Variants in GPC5 observed in about 807,000 individuals in gnomAD.
The protein encoded by GPC5 is glypican 5.
In GPC5, 47 loss-of-function variants were observed where a neutral mutation model predicts 53.9. The ratio of observed to expected loss-of-function variants is 0.87; its 90% CI spans 0.69 to 1.11. The LOEUF is 1.11. Among genes scored for constraint, GPC5 ranks in the 50% most tolerant of loss-of-function variants. GPC5 has a pLI of 0.00. For synonymous variants in GPC5, 286 were observed against 263.3 expected, an observed-to-expected ratio of 1.09 and a Z score of -0.84; for missense variants, 748 against 713.1, an observed-to-expected ratio of 1.05 and a Z score of -0.56.
intron 6 of GPC5, among the ~76,000 whole-genome samples, chr13:92,113,496 A>T (rs962928532): frequency 3.9e-5 from 6 of 152,168 alleles, no homozygotes; most frequent in African/African-American, 1.4e-4. Flanking sequence ...AGTCTGACTT[A>T]TCCTCCATAT....
At chr13:92,581,192 A>T (rs1351740366) in intron 7 of GPC5, among the ~76,000 whole-genome samples, 3 of 152,002 alleles carry the variant, frequency 2.0e-5, no homozygotes, top group Non-Finnish European at 4.4e-5. Context: ...GTCTAACTGA[A>T]ATTTTCTGTC....
In GPC5 at chr13:91,419,494, T is replaced by G. The variant is rs190176004; in HGVS notation, c.163+20285T>G. Among the ~76,000 whole-genome samples, 5 of 152,300 alleles carry G rather than the reference T, an allele frequency of 3.3e-5. No homozygotes were observed. In the East Asian group the frequency reaches 9.7e-4, roughly 29 times the overall value. ...ACAAAGAATAATCCAGTCAACAACG[T>G]GATTCACAGCCATTATTAGAAAGAG... On this transcript the variant is annotated intron_variant, in intron 1 of 7. Coordinates refer to ENST00000377067, the MANE Select transcript of GPC5 (RefSeq NM_004466.6).
chr13:92,194,629 A>C (rs1388960356), intron 7 of GPC5, among the ~76,000 whole-genome samples: 2 of 152,238 alleles, frequency 1.3e-5, no homozygotes, highest in Non-Finnish European at 2.9e-5. Flanking sequence ...GTGTTCTGTG[A>C]ATTTGGAAAT....
intron 2 of GPC5, among the ~76,000 whole-genome samples, chr13:91,579,827 A>G (rs1015084713): frequency 5.3e-5 from 8 of 151,512 alleles, no homozygotes; most frequent in African/African-American, 1.7e-4. Flanking sequence ...GGGTTTCACC[A>G]TGTTGGCCTG....
intron 4 of GPC5, among the ~76,000 whole-genome samples, chr13:91,736,357 A>T (rs342712): frequency 0.73 from 110,039 of 151,040 alleles, 40,682 homozygotes; most frequent in Middle Eastern, 0.82. Flanking sequence ...TTTAAAATCA[A>T]GTTCTTCTAA....
intron 7 of GPC5, among the ~76,000 whole-genome samples, chr13:92,754,330 C>T (rs954114422): frequency 2.6e-5 from 4 of 152,086 alleles, no homozygotes; most frequent in African/African-American, 7.2e-5. Flanking sequence ...CTGAAGGAAG[C>T]GCTAAACATG....
intron 7 of GPC5, among the ~76,000 whole-genome samples, chr13:92,438,377 AAAAT>A (rs35251298): frequency 9.7e-3 from 420 of 43,412 alleles, no homozygotes; most frequent in African/African-American, 0.028. Context: ...CGTTTAAAGC[AAAAT>A]AAATATATAT....
chr13:92,593,406 A>G (rs915995115), intron 7 of GPC5, among the ~76,000 whole-genome samples: 2 of 151,024 alleles, frequency 1.3e-5, no homozygotes, highest in African/African-American at 4.9e-5. Context: ...TGGAGGTTGA[A>G]GTGTGGGGTA....
chr13:91,564,266 A>G (rs987176221), intron 2 of GPC5, among the ~76,000 whole-genome samples: 3 of 152,198 alleles, frequency 2.0e-5, no homozygotes, highest in Non-Finnish European at 4.4e-5. Context: ...ATACAATGCC[A>G]AATATGATCT....
chr13:92,425,548 G>A (rs1876794141), intron 7 of GPC5, among the ~76,000 whole-genome samples: 1 of 152,076 alleles, frequency 6.6e-6, no homozygotes, highest in African/African-American at 2.4e-5. Flanking sequence ...CAACTAAGGA[G>A]TGGCTGTCCA....
intron 7 of GPC5, among the ~76,000 whole-genome samples, chr13:92,397,274 G>T (rs920530566): frequency 6.6e-6 from 1 of 152,128 alleles, no homozygotes; most frequent in African/African-American, 2.4e-5. Context: ...TGGGGGCTGG[G>T]GGGGGTTCCC....
intron 6 of GPC5, among the ~76,000 whole-genome samples, chr13:92,130,367 G>A (rs1383514101): frequency 6.6e-6 from 1 of 151,144 alleles, no homozygotes; most frequent in Non-Finnish European, 1.5e-5. Context: ...TAAAATATTG[G>A]CACAAGAAGT....
At chr13:92,160,953 C>G (rs1593945526) in intron 7 of GPC5, among the ~76,000 whole-genome samples, 1 of 152,054 alleles carries the variant, frequency 6.6e-6, no homozygotes, top group East Asian at 1.9e-4. Flanking sequence ...TCCTGCATAC[C>G]AACTAGTTTT....
chr13:92,636,689 C>T (rs1885414516), intron 7 of GPC5, among the ~76,000 whole-genome samples: 1 of 152,084 alleles, frequency 6.6e-6, no homozygotes, highest in African/African-American at 2.4e-5. Context: ...TCCTGTATTC[C>T]ACACGAATGG....
chr13:92,145,746 G>C (rs967950659), intron 7 of GPC5, among the ~76,000 whole-genome samples: 1 of 152,082 alleles, frequency 6.6e-6, no homozygotes, highest in African/African-American at 2.4e-5. Flanking sequence ...AGAATAGCTG[G>C]TTTCAACTAT....
At chr13:92,095,531 CTGTTTTTGTTTT>C (rs1192261121) in intron 6 of GPC5, among the ~76,000 whole-genome samples, 2 of 151,190 alleles carry the variant, frequency 1.3e-5, no homozygotes, top group Non-Finnish European at 3.0e-5. Context: ...TATTTTGTTT[CTGTTTTTGTTTT>C]TGTTTTTTTG....
At chr13:91,790,184 G>A (rs952327889) in intron 5 of GPC5, among the ~76,000 whole-genome samples, 5 of 152,178 alleles carry the variant, frequency 3.3e-5, no homozygotes, top group African/African-American at 7.2e-5. Context: ...TATAACAGGT[G>A]TGAGGTGATA....
At chr13:92,676,388 A>AT (rs1286197269) in intron 7 of GPC5, among the ~76,000 whole-genome samples, 1 of 152,078 alleles carries the variant, frequency 6.6e-6, no homozygotes, top group Non-Finnish European at 1.5e-5. Context: ...CTCTACTGTG[A>AT]TTTTTTTAGG....
chr13:92,733,571 G>C (rs138629167), intron 7 of GPC5, among the ~76,000 whole-genome samples: 1 of 151,640 alleles, frequency 6.6e-6, no homozygotes, highest in African/African-American at 2.4e-5. Context: ...TTAAATGCAA[G>C]AAATATTTAA....
Sources: allele counts gnomAD v4.1 joint callset (sites outside exome capture counted in the v4.1 genomes callset), GRCh38; gene constraint gnomAD v4.1.1; transcripts MANE v1.5; gene names NCBI Gene and HGNC (gene_info 2026-07-23, HGNC 2026-07-21).